The following FUNDC2 variants were observed in gnomAD, a reference collection of about 807,000 sequenced individuals.
FUNDC2 encodes the protein FUN14 domain containing 2, also known as FUN14 domain-containing protein 2.
FUNDC2 carries 4 observed loss-of-function variants against 15.6 expected under a neutral mutation model. The observed-to-expected ratio is 0.26, with a 90% CI of 0.13 to 0.59. The LOEUF (loss-of-function observed/expected upper bound fraction) is 0.59. Among genes scored for constraint, FUNDC2 ranks in the 20% least tolerant of loss-of-function variants. FUNDC2 has a pLI of 0.90. For synonymous variants in FUNDC2, 44 were observed against 56.9 expected, an observed-to-expected ratio of 0.77 and a Z score of 1.02; for missense variants, 98 against 149.7, an observed-to-expected ratio of 0.65 and a Z score of 1.80.
At chrX:155,046,421 C>G in intron 2 of FUNDC2, 88 bp from the exon 3 acceptor site, 1 of 831,114 alleles carries the variant, frequency 1.2e-6, no homozygotes, top group East Asian at 3.1e-5. Flanking sequence ...TCATCTTAAG[C>G]TAAGTAAGAT....
chrX:155,046,732 C>G (rs782478108), intron 3 of FUNDC2, 148 bp downstream of exon 3: 4 of 453,904 alleles, frequency 8.8e-6, no homozygotes, highest in Admixed American at 7.3e-5. Context: ...TGCTAGTGAC[C>G]GTTTGAGTCA....
intron 1 of FUNDC2, 50 bp downstream of exon 1, chrX:155,027,121 G>A: frequency 1.9e-6 from 2 of 1,052,750 alleles, no homozygotes; most frequent in Middle Eastern, 3.1e-4. Flanking sequence ...CGCCTTCCTG[G>A]GCTCCGGAAG....
At position 155,040,602 on chromosome X, in the gene FUNDC2, G is replaced by A. The variant is rs186828944; in HGVS notation, c.285-5907G>A. ...AGACATCTGTTGGTGGACATCTGGG[G>A]TATTTCCACCTTTTAACTGTTGTGA... On this transcript the variant is annotated intron_variant, in intron 2 of 4. Coordinates refer to ENST00000369498, the MANE Select transcript of FUNDC2 (RefSeq NM_023934.4). Among the ~76,000 whole-genome samples the A allele has an allele frequency of 2.7e-5, 3 of 112,168 alleles. No homozygotes were observed. The East Asian group carries it at 8.3e-4, about 31-fold the overall frequency.
rs1241104671 is a variant in FUNDC2, at chrX:155,056,521, CTA to C, written c.*1851_*1852del. 2.2e-5 allele frequency: 2 copies of C among 91,308 alleles called. No homozygotes were observed. The highest frequency in any genetic ancestry group is 5.5e-4 in the South Asian group (1 of 1,809). 7.5% of individuals were successfully genotyped at this position (91,308 alleles called of 1,213,427 possible). On this transcript the variant is annotated 3_prime_UTR_variant, in exon 5 of 5. Transcript: ENST00000369498. ...GTCTCTTAACCTTATAGATCCTCCT[CTA>C]TTTTTTTTTTTTTGCTTGCTATATA...
chrX:155,041,404 T>C (rs1290795568), intron 2 of FUNDC2, among the ~76,000 whole-genome samples: 1 of 112,056 alleles, frequency 8.9e-6, no homozygotes, highest in Non-Finnish European at 1.9e-5. Context: ...AGGAAGCCTT[T>C]CACATTTTAC....
intron 1 of FUNDC2, 109 bp downstream of exon 1, chrX:155,027,180 C>A: frequency 2.3e-6 from 2 of 873,635 alleles, no homozygotes; most frequent in African/African-American, 2.1e-5. Context: ...CCGGGGAGTC[C>A]AAGCGGCGCG....
chrX:155,040,926 C>G (rs782333676), intron 2 of FUNDC2, among the ~76,000 whole-genome samples: 1 of 111,362 alleles, frequency 9.0e-6, no homozygotes, highest in Non-Finnish European at 1.9e-5. Context: ...TTACCAGACA[C>G]GATTTGCAAA....
Position 155,055,009 on chromosome X carries a change from G to T in FUNDC2, c.*337G>T. On this transcript the variant is annotated 3_prime_UTR_variant, in exon 5 of 5. Transcript: ENST00000369498. ...GTGGAGGATGAGTGGATCCTGAAAG[G>T]TTGTCCCAAACTGTTGATTTGGAAA... is the stretch of plus-strand genomic sequence containing the variant. 3.1e-6 allele frequency: 1 copy of T among 324,391 alleles called. No individual in the cohort carries two copies. The highest frequency in any genetic ancestry group is 5.4e-6 in the Non-Finnish European group (1 of 186,596). 26.7% of individuals were successfully genotyped at this position (324,391 alleles called of 1,213,427 possible). A position where few individuals can be genotyped will look rare whatever the true frequency, so the allele number is the denominator to read the frequency against.
chrX:155,048,093 G>A (rs1478280424), intron 3 of FUNDC2, among the ~76,000 whole-genome samples: 1 of 111,713 alleles, frequency 9.0e-6, no homozygotes, highest in African/African-American at 3.3e-5. Context: ...ATTTGAGTGT[G>A]TCCTCTGTTT....
intron 2 of FUNDC2, among the ~76,000 whole-genome samples, chrX:155,037,234 C>G (rs2073833602): frequency 9.0e-6 from 1 of 110,786 alleles, no homozygotes; most frequent in Non-Finnish European, 1.9e-5. Flanking sequence ...TATAGAAATG[C>G]AATAGTTTTC....
Position 155,036,723 on chromosome X carries a change from T to TA in FUNDC2, c.284+3178dup, listed in dbSNP as rs201164966. 1.7e-3 allele frequency among the ~76,000 whole-genome samples: 186 copies of TA among 110,799 alleles called. 1 individual carries two copies. The highest frequency in any genetic ancestry group is 9.3e-3 in the Middle Eastern group (2 of 216). On this transcript the variant is annotated intron_variant, in intron 2 of 4. Transcript: ENST00000369498. ...GGGTATCTAGTTGTCCCCACATTTG[T>TA]AAAAAAAAGACTGTCTTTTTCTCCA...
Position 155,056,644 on chromosome X carries a change from C to G in FUNDC2, c.*1972C>G, listed in dbSNP as rs1245131051. 1 of 110,453 alleles carries G rather than the reference C, an allele frequency of 9.1e-6. No homozygotes were observed. Among genetic ancestry groups the G allele is most frequent in the African/African-American group, 3.3e-5 (1 of 30,218 alleles). The allele number at this position is 110,453 out of a possible 1,213,427, so 9.1% of individuals were successfully genotyped here. ...ACTCTGCCTCTCCTGACATCTGGGT[C>G]TCTGGGTTATGCCATATATGGTGAT... On this transcript the variant is annotated 3_prime_UTR_variant, in exon 5 of 5. Transcript: ENST00000369498.
intron 4 of FUNDC2, among the ~76,000 whole-genome samples, chrX:155,052,543 C>G (rs1234557752): frequency 2.7e-5 from 3 of 111,871 alleles, no homozygotes; most frequent in Non-Finnish European, 5.6e-5. Flanking sequence ...ATGAGAGATT[C>G]TCCCATTAGC....
intron 2 of FUNDC2, among the ~76,000 whole-genome samples, chrX:155,036,652 T>C (rs1557289207): frequency 9.0e-6 from 1 of 111,384 alleles, no homozygotes; most frequent in African/African-American, 3.3e-5. Flanking sequence ...TTTGATTTAC[T>C]TTTTGTATAT....
chrX:155,056,513 ATCC>A lies in FUNDC2; in HGVS notation c.*1847_*1849del, dbSNP rs1396009734. The A allele has an allele frequency of 6.3e-5, 6 of 95,283 alleles. No homozygotes were observed. The highest frequency in any genetic ancestry group is 3.1e-4 in the East Asian group (1 of 3,218). The allele number at this position is 95,283 out of a possible 1,213,427, so 7.9% of individuals were successfully genotyped here. ...TTGGATAAGTCTCTTAACCTTATAGATCCTCCTCTATTTTTTTTTTTTTGCTTG... is the reference window on the plus strand; with the variant it reads ...TTGGATAAGTCTCTTAACCTTATAGATCCTCTATTTTTTTTTTTTTGCTTG... On this transcript the variant is annotated 3_prime_UTR_variant, in exon 5 of 5. Transcript: ENST00000369498.
intron 1 of FUNDC2, among the ~76,000 whole-genome samples, chrX:155,028,118 G>GACTTTTATAATA (rs1557288459): frequency 9.0e-6 from 1 of 111,455 alleles, no homozygotes; most frequent in African/African-American, 3.3e-5. Context: ...TGCTCTTATA[G>GACTTTTATAATA]GTTGATCAGG....
intron 2 of FUNDC2, among the ~76,000 whole-genome samples, chrX:155,044,223 T>C (rs782384579): frequency 4.5e-5 from 5 of 111,958 alleles, no homozygotes; most frequent in Non-Finnish European, 9.4e-5. Flanking sequence ...TGAGCTGCTA[T>C]ATTGAGAATA....
Position 155,027,089 on chromosome X carries a change from C to G in FUNDC2, c.133+18C>G, listed in dbSNP as rs782608589. On this transcript the variant is annotated intron_variant, in intron 1 of 4. Transcript: ENST00000369498. ...CAGTCAAGGTAAGGGCGGGCGCGCGCGCGGCCGGCGCCGCGGGGAGCCGCC... is the reference window on the plus strand; with the variant it reads ...CAGTCAAGGTAAGGGCGGGCGCGCGGGCGGCCGGCGCCGCGGGGAGCCGCC... The G allele has an allele frequency of 1.8e-6, 2 of 1,103,336 alleles. No individual in the cohort carries two copies. The highest frequency in any genetic ancestry group is 1.9e-5 in the African/African-American group (1 of 52,490). The allele number at this position is 1,103,336 out of a possible 1,213,427, so 90.9% of individuals were successfully genotyped here.
In FUNDC2 at chrX:155,056,459, A is replaced by C. The variant is rs1408864626; in HGVS notation, c.*1787A>C. On this transcript the variant is annotated 3_prime_UTR_variant, in exon 5 of 5. Transcript: ENST00000369498. ...ATTTAGTTTGTTTGAATCAAAATTCATGCAAGGTTCACATCGTATTTGCAT... is the reference window on the plus strand; with the variant it reads ...ATTTAGTTTGTTTGAATCAAAATTCCTGCAAGGTTCACATCGTATTTGCAT... 9.0e-6 allele frequency: 1 copy of C among 111,617 alleles called. No individual in the cohort carries two copies. Among genetic ancestry groups the C allele is most frequent in the Non-Finnish European group, 1.9e-5 (1 of 53,147 alleles). The allele number at this position is 111,617 out of a possible 1,213,427, so 9.2% of individuals were successfully genotyped here.
Sources: allele counts gnomAD v4.1 joint callset (sites outside exome capture counted in the v4.1 genomes callset), GRCh38; gene constraint gnomAD v4.1.1; transcripts MANE v1.5; gene names NCBI Gene and HGNC (gene_info 2026-07-23, HGNC 2026-07-21).